Variants in ATXN1 observed in about 807,000 individuals in gnomAD.
The protein encoded by ATXN1 is ataxin 1.
In ATXN1, 8 loss-of-function variants were observed where a neutral mutation model predicts 56.4. The observed-to-expected ratio is 0.14, with a 90% CI of 0.08 to 0.26. The LOEUF is 0.26. ATXN1 is among the 10% of genes least tolerant of loss of function. The pLI is 1.00. For synonymous variants in ATXN1, 514 were observed against 494.6 expected (o/e 1.04, Z -0.52); for missense variants, 987 against 1,106.5 (o/e 0.89, Z 1.53).
intron 2 of ATXN1, among the ~76,000 whole-genome samples, chr6:16,731,387 G>A (rs143370405): frequency 5.1e-4 from 73 of 143,344 alleles, no homozygotes; most frequent in African/African-American, 1.2e-3. Context: ...CATCAGAGTC[G>A]TCATAAAAAA....
chr6:16,649,409 C>T lies in ATXN1; in HGVS notation c.-489+8367G>A, dbSNP rs190543324. Among the ~76,000 whole-genome samples, 528 of 152,226 alleles carry T rather than the reference C, an allele frequency of 3.5e-3. 2 individuals are homozygous for T. Among genetic ancestry groups the T allele is most frequent in the African/African-American group, 0.012 (503 of 41,552 alleles). ...CCTTAAGAAAAAAATACCAGATATT[C>T]ACAAAATGTGGCCAGAACTGGATGT... is the stretch of plus-strand genomic sequence containing the variant. On this transcript the variant is annotated intron_variant, in intron 3 of 7. Coordinates refer to ENST00000436367, the MANE Select transcript of ATXN1 (RefSeq NM_001128164.2).
At chr6:16,610,808 G>T (rs1421162190) in intron 3 of ATXN1, among the ~76,000 whole-genome samples, 3 of 151,190 alleles carry the variant, frequency 2.0e-5, no homozygotes, top group Non-Finnish European at 4.4e-5. Flanking sequence ...AGGATTGCTT[G>T]AGGCCAAGAG....
intron 6 of ATXN1, among the ~76,000 whole-genome samples, chr6:16,394,222 A>C (rs868469218): frequency 6.6e-6 from 1 of 152,186 alleles, no homozygotes; most frequent in African/African-American, 2.4e-5. Context: ...TGATTATGGA[A>C]GGAAGTACAG....
chr6:16,458,802 G>A (rs2113623273), intron 6 of ATXN1, among the ~76,000 whole-genome samples: 1 of 152,314 alleles, frequency 6.6e-6, no homozygotes, highest in East Asian at 1.9e-4. Flanking sequence ...CACTAGACGG[G>A]GTACTGCCCC....
intron 6 of ATXN1, among the ~76,000 whole-genome samples, chr6:16,378,898 C>G (rs1177857302): frequency 6.6e-6 from 1 of 152,120 alleles, no homozygotes; most frequent in East Asian, 1.9e-4. Context: ...GCCGATTCAG[C>G]AAGCCCACTA....
At chr6:16,462,336 G>A (rs1025042699) in intron 6 of ATXN1, among the ~76,000 whole-genome samples, 2 of 152,144 alleles carry the variant, frequency 1.3e-5, no homozygotes, top group South Asian at 2.1e-4. Context: ...GACCAGCCTC[G>A]ATAAACCTGT....
At chr6:16,521,273 AAT>A (rs1761283096) in intron 5 of ATXN1, among the ~76,000 whole-genome samples, 2 of 152,346 alleles carry the variant, frequency 1.3e-5, no homozygotes, top group African/African-American at 4.8e-5. Context: ...AAAAAAAACG[AAT>A]AAATGGGGCC....
intron 5 of ATXN1, among the ~76,000 whole-genome samples, chr6:16,496,377 C>G (rs188191707): frequency 6.6e-6 from 1 of 152,054 alleles, no homozygotes; most frequent in Admixed American, 6.6e-5. Context: ...TACGCAGGGC[C>G]GGGTAAGTAA....
At position 16,316,865 on chromosome 6, in the gene ATXN1, C is replaced by CTTTTTTTT. The variant is rs375359789; in HGVS notation, c.1917+9521_1917+9528dup. ...AGGGGGCAATAGAGAGACTGCCTGTCTTTTTTTTTTTTTTTTTTTTTTTTT... is the reference window on the plus strand; with the variant it reads ...AGGGGGCAATAGAGAGACTGCCTGTCTTTTTTTTTTTTTTTTTTTTTTTTTTTTTTTTT... On this transcript the variant is annotated intron_variant, in intron 7 of 7. Transcript: ENST00000436367. Among the ~76,000 whole-genome samples, 537 of 99,408 alleles carry CTTTTTTTT rather than the reference C, an allele frequency of 5.4e-3. 104 individuals carry two copies. The highest frequency in any genetic ancestry group is 0.022 in the East Asian group (56 of 2,558). 65.2% of individuals were successfully genotyped at this position (99,408 alleles called of 152,430 possible). A position where few individuals can be genotyped will look rare whatever the true frequency, so the allele number is the denominator to read the frequency against.
intron 6 of ATXN1, among the ~76,000 whole-genome samples, chr6:16,481,115 T>G (rs1760430534): frequency 6.6e-6 from 1 of 152,192 alleles, no homozygotes; most frequent in Non-Finnish European, 1.5e-5. Context: ...CCCAGTGCAC[T>G]TGGATGGAAT....
intron 2 of ATXN1, among the ~76,000 whole-genome samples, chr6:16,691,678 T>C (rs1057137739): frequency 6.6e-6 from 1 of 152,060 alleles, no homozygotes; most frequent in Admixed American, 6.6e-5. Flanking sequence ...TCTGAACAGA[T>C]AAATAAGAAA....
chr6:16,346,167 T>C (rs1257835037), intron 6 of ATXN1, among the ~76,000 whole-genome samples: 3 of 152,220 alleles, frequency 2.0e-5, no homozygotes, highest in Non-Finnish European at 4.4e-5. Flanking sequence ...GCGATTCTCA[T>C]GCCTCAGCCT....
At chr6:16,556,703 T>C (rs978916115) in intron 4 of ATXN1, among the ~76,000 whole-genome samples, 5 of 152,264 alleles carry the variant, frequency 3.3e-5, no homozygotes, top group African/African-American at 7.2e-5. Flanking sequence ...CCATTAAAAA[T>C]AGGAACAACA....
At chr6:16,484,793 T>A (rs1470569076) in intron 6 of ATXN1, among the ~76,000 whole-genome samples, 1 of 152,174 alleles carries the variant, frequency 6.6e-6, no homozygotes, top group Non-Finnish European at 1.5e-5. Flanking sequence ...ACCAAAAAAA[T>A]TAGGAACATT....
In ATXN1 at chr6:16,306,721, T is replaced by C. The variant is rs770472869; in HGVS notation, c.2056A>G (p.Thr686Ala). 3 of 1,614,074 alleles carry C rather than the reference T, an allele frequency of 1.9e-6. No homozygotes were observed. Among genetic ancestry groups the C allele is most frequent in the Non-Finnish European group, 1.7e-6 (2 of 1,180,002 alleles). ...GAGCCGTTCTTCAGGTTCTTGAGGG[T>C]AAGCGAGATGCAGACATCCCCAACT... Reference protein sequence around the residue: ...LSVGDVCISLTLKNLKNGSVK... With the variant: ...LSVGDVCISLALKNLKNGSVK... The change falls in exon 8 of 8, where the codon ACC (threonine) becomes GCC (alanine). Residue 686 changes from threonine (T) to alanine (A), a missense_variant. Thr to Ala is a moderately conservative substitution (Grantham distance 58). Transcript: ENST00000436367. The surrounding 1 kb of genome is among the most constrained non-coding windows in gnomAD (Gnocchi z 5.2).
chr6:16,332,264 T>G (rs1315618452), intron 6 of ATXN1, among the ~76,000 whole-genome samples: 1 of 152,112 alleles, frequency 6.6e-6, no homozygotes, highest in Non-Finnish European at 1.5e-5. Flanking sequence ...AGAGATTGGG[T>G]CTTGCTGTAT....
intron 6 of ATXN1, among the ~76,000 whole-genome samples, chr6:16,338,419 G>C (rs1482884539): frequency 2.6e-5 from 4 of 151,692 alleles, no homozygotes; most frequent in African/African-American, 4.9e-5. Context: ...CTTGAACCCA[G>C]GAGGCGGAGG....
intron 3 of ATXN1, among the ~76,000 whole-genome samples, chr6:16,619,582 A>T (rs73370671): frequency 0.054 from 8,269 of 152,256 alleles, 314 homozygotes; most frequent in Admixed American, 0.13. Context: ...AAAAATCTAT[A>T]TGACTAGAGA....
chr6:16,567,782 G>T (rs1762256430), intron 4 of ATXN1, among the ~76,000 whole-genome samples: 1 of 151,846 alleles, frequency 6.6e-6, no homozygotes, highest in East Asian at 1.9e-4. Context: ...CATGCACACA[G>T]CTTAGAAATA....
Sources: gnomAD v4.1 joint callset for allele counts (sites outside exome capture counted in the v4.1 genomes callset) on GRCh38, gnomAD v4.1.1 for gene constraint, Gnocchi (gnomAD v3.1) non-coding constraint, MANE v1.5 for transcripts, NCBI Gene and HGNC (gene_info 2026-07-23, HGNC 2026-07-21) for gene names.